MAGI1: variants seen among roughly 807,000 people sequenced by gnomAD.
MAGI1 encodes membrane associated guanylate kinase, WW and PDZ domain containing 1.
A neutral mutation model predicts 139.9 loss-of-function variants in MAGI1; 58 were observed. The ratio of observed to expected loss-of-function variants is 0.41; its 90% CI spans 0.34 to 0.52. MAGI1 has a LOEUF of 0.52. MAGI1 is among the 20% of genes least tolerant of loss of function. MAGI1 has a pLI of 0.12. For synonymous variants in MAGI1, 812 were observed against 737.9 expected (o/e 1.10, Z -1.63); for missense variants, 1,874 against 1,901.6 (o/e 0.99, Z 0.27).
intron 1 of MAGI1, among the ~76,000 whole-genome samples, chr3:65,746,111 C>A (rs1429310063): frequency 1.3e-5 from 2 of 152,202 alleles, no homozygotes; most frequent in East Asian, 1.9e-4. Flanking sequence ...TCTCAGCTCA[C>A]TGCAACCTCT....
intron 2 of MAGI1, among the ~76,000 whole-genome samples, chr3:65,571,224 G>A (rs540132510): frequency 6.6e-6 from 1 of 152,184 alleles, no homozygotes; most frequent in Admixed American, 6.5e-5. Context: ...GAAACTGAGG[G>A]TCATTTTCCT....
chr3:65,766,588 A>G (rs2037494247), intron 1 of MAGI1, among the ~76,000 whole-genome samples: 2 of 151,892 alleles, frequency 1.3e-5, no homozygotes, highest in Admixed American at 6.6e-5. Flanking sequence ...AATCACAGTC[A>G]TTATTATAAC....
At chr3:65,568,178 G>C (rs551622910) in intron 2 of MAGI1, among the ~76,000 whole-genome samples, 19 of 152,230 alleles carry the variant, frequency 1.2e-4, no homozygotes, top group African/African-American at 4.6e-4. Context: ...CACACATCTG[G>C]GTAAGGAGCA....
At chr3:65,932,767 G>C (rs1038239767) in intron 1 of MAGI1, among the ~76,000 whole-genome samples, 1 of 152,192 alleles carries the variant, frequency 6.6e-6, no homozygotes, top group African/African-American at 2.4e-5. Context: ...TCAGAGGAAA[G>C]AAGATCCTTC....
intron 1 of MAGI1, among the ~76,000 whole-genome samples, chr3:65,714,235 A>T (rs752908422): frequency 2.0e-5 from 3 of 152,176 alleles, no homozygotes; most frequent in Non-Finnish European, 4.4e-5. Context: ...AGGGAGAGGC[A>T]TTCCTCCAAT....
intron 1 of MAGI1, among the ~76,000 whole-genome samples, chr3:65,956,995 C>A (rs1403372318): frequency 6.6e-6 from 1 of 151,878 alleles, no homozygotes; most frequent in Non-Finnish European, 1.5e-5. Flanking sequence ...GAGTGAGAAT[C>A]CTTCTCAAAA....
In MAGI1 at chr3:65,808,399, T is replaced by G. The variant is rs371748957; in HGVS notation, c.314-186311A>C. On this transcript the variant is annotated intron_variant, in intron 1 of 22. Coordinates refer to ENST00000402939, the MANE Select transcript of MAGI1 (RefSeq NM_001033057.2). ...CTGTAATCCCAGCTACTCAGGAGGC[T>G]GAGGCAGGAGAATAGCTTGAAGCTG... is the stretch of plus-strand genomic sequence containing the variant. Among the ~76,000 whole-genome samples the G allele has an allele frequency of 1.7e-4, 26 of 152,162 alleles. No individual in the cohort carries two copies. The East Asian group carries it at 4.5e-3, about 26-fold the overall frequency.
chr3:65,509,096 C>CCCACA (rs2077431689), intron 2 of MAGI1, among the ~76,000 whole-genome samples: 1 of 152,262 alleles, frequency 6.6e-6, no homozygotes, highest in South Asian at 2.1e-4. Context: ...TTCTGGGAAA[C>CCCACA]CCACATTTTT....
At chr3:65,734,525 AAGAGAGAGGGGG>A (rs2034528166) in intron 1 of MAGI1, among the ~76,000 whole-genome samples, 1 of 147,772 alleles carries the variant, frequency 6.8e-6, no homozygotes, top group Admixed American at 6.7e-5. Flanking sequence ...GAAAGAGAGA[AAGAGAGAGGGGG>A]AGAGAGAGAA....
chr3:65,478,868 T>C lies in MAGI1; in HGVS notation c.551-70A>G, dbSNP rs186722237. On this transcript the variant is annotated intron_variant, in intron 3 of 22. Coordinates refer to ENST00000402939, the MANE Select transcript of MAGI1 (RefSeq NM_001033057.2). The stretch of plus-strand genomic sequence containing the variant: ...TTGTGTTTTTTTTTAAGACTTCACA[T>C]CCAAATCTCTAGGCACATTAAAAAA... 37 of 1,171,996 alleles carry C rather than the reference T, an allele frequency of 3.2e-5. No homozygotes were observed. In the East Asian group the frequency reaches 8.0e-4, roughly 25 times the overall value. 72.6% of individuals were successfully genotyped at this position (1,171,996 alleles called of 1,614,324 possible).
intron 1 of MAGI1, among the ~76,000 whole-genome samples, chr3:65,789,014 C>CA (rs767519102): frequency 4.1e-4 from 62 of 151,802 alleles, no homozygotes; most frequent in South Asian, 1.2e-3. Context: ...CCCATCTCTA[C>CA]AAAAAAAATG....
At chr3:65,717,770 T>C (rs1262949183) in intron 1 of MAGI1, among the ~76,000 whole-genome samples, 1 of 152,170 alleles carries the variant, frequency 6.6e-6, no homozygotes, top group Non-Finnish European at 1.5e-5. Context: ...TGGTCCAGCT[T>C]AGACCACCCT....
intron 2 of MAGI1, among the ~76,000 whole-genome samples, chr3:65,495,765 A>G (rs1441114390): frequency 6.6e-6 from 1 of 152,100 alleles, no homozygotes; most frequent in Non-Finnish European, 1.5e-5. Flanking sequence ...TATATTAGCT[A>G]GGTGATGAGG....
intron 3 of MAGI1, among the ~76,000 whole-genome samples, chr3:65,484,878 T>C (rs532402194): frequency 1.3e-5 from 2 of 152,320 alleles, no homozygotes; most frequent in Admixed American, 6.5e-5. Flanking sequence ...ATGCCCTTTA[T>C]TGTATATAGC....
At chr3:65,721,738 G>C (rs10510942) in intron 1 of MAGI1, among the ~76,000 whole-genome samples, 28,322 of 151,910 alleles carry the variant, frequency 0.19, 3,020 homozygotes, top group African/African-American at 0.27. Flanking sequence ...CTACTCCAAA[G>C]AATGTGACAA....
At chr3:65,732,868 T>C (rs1397266881) in intron 1 of MAGI1, among the ~76,000 whole-genome samples, 3 of 152,206 alleles carry the variant, frequency 2.0e-5, no homozygotes, top group Non-Finnish European at 4.4e-5. Flanking sequence ...ATTCTTGAAT[T>C]CATTGATGAG....
chr3:65,667,133 A>G (rs562572939), intron 1 of MAGI1, among the ~76,000 whole-genome samples: 28 of 152,298 alleles, frequency 1.8e-4, no homozygotes, highest in African/African-American at 6.0e-4. Context: ...AGACACTTTC[A>G]TTTTCAAAAA....
chr3:65,370,772 C>T (rs940757054), intron 18 of MAGI1, among the ~76,000 whole-genome samples: 9 of 152,200 alleles, frequency 5.9e-5, no homozygotes, highest in East Asian at 1.9e-4. Context: ...GTATCCTGCC[C>T]GTTGCCCCAA....
At chr3:65,450,604 A>G (rs948108917) in intron 6 of MAGI1, among the ~76,000 whole-genome samples, 8 of 152,158 alleles carry the variant, frequency 5.3e-5, no homozygotes, top group Non-Finnish European at 1.0e-4. Context: ...CTTTGAGACA[A>G]TCGTTGACAT....
Sources: allele counts gnomAD v4.1 joint callset (sites outside exome capture counted in the v4.1 genomes callset), GRCh38; gene constraint gnomAD v4.1.1; transcripts MANE v1.5; gene names NCBI Gene and HGNC (gene_info 2026-07-23, HGNC 2026-07-21).